Variants in SDK1 observed in about 807,000 individuals in gnomAD.
SDK1 encodes the protein protein sidekick-1.
Under a neutral mutation model 245.5 loss-of-function variants are expected in SDK1, and 157 were observed. The observed-to-expected ratio is 0.64, with a 90% CI of 0.56 to 0.73. The LOEUF is 0.73. Among genes scored for constraint, SDK1 ranks in the 30% least tolerant of loss-of-function variants. The pLI is 0.00. For missense variants in SDK1, 3,583 were observed against 3,002.3 expected (o/e 1.19, Z -4.52); for synonymous variants, 1,647 against 1,278.5 (o/e 1.29, Z -6.15).
chr7:3,517,399 C>T (rs901639069), intron 1 of SDK1, among the ~76,000 whole-genome samples: 28 of 152,066 alleles, frequency 1.8e-4, no homozygotes, highest in Admixed American at 6.6e-5. Context: ...TTTGTAAATT[C>T]TGTAGAGTAT....
intron 32 of SDK1, 40 bp downstream of exon 32, chr7:4,161,896 T>C: frequency 6.4e-7 from 1 of 1,560,780 alleles, no homozygotes; most frequent in Non-Finnish European, 8.8e-7. Flanking sequence ...GTCAAATGTG[T>C]TCTCATTTCC....
Position 3,388,346 on chromosome 7 carries a change from TA to T in SDK1, c.298+86472del, listed in dbSNP as rs146427636. ...TGTCAAACGCTATGTGATTGAAGAT[TA>T]AAAAAAAAATCTCATCTGTCAAACG... is the stretch of plus-strand genomic sequence containing the variant. On this transcript the variant is annotated intron_variant, in intron 1 of 44. Coordinates refer to ENST00000404826, the MANE Select transcript of SDK1 (RefSeq NM_152744.4). 5.8e-3 allele frequency among the ~76,000 whole-genome samples: 861 copies of T among 148,782 alleles called. 12 individuals are homozygous for T. The highest frequency in any genetic ancestry group is 0.017 in the African/African-American group (698 of 40,298).
At chr7:4,163,791 CA>C (rs1389189270) in intron 32 of SDK1, among the ~76,000 whole-genome samples, 1 of 152,154 alleles carries the variant, frequency 6.6e-6, no homozygotes, top group African/African-American at 2.4e-5. Flanking sequence ...TGGGGCCAGC[CA>C]GGGGGAGCTT....
chr7:3,915,527 C>T (rs901957455), intron 5 of SDK1, among the ~76,000 whole-genome samples: 4 of 152,212 alleles, frequency 2.6e-5, no homozygotes, highest in African/African-American at 7.2e-5. Context: ...GTGTTTCCCA[C>T]CTCCATGTAA....
intron 4 of SDK1, among the ~76,000 whole-genome samples, chr7:3,762,830 C>G (rs1041479437): frequency 2.6e-4 from 39 of 152,294 alleles, no homozygotes; most frequent in African/African-American, 9.1e-4. Context: ...CGTAGTATGA[C>G]AGTATGAATA....
chr7:3,641,931 C>G, intron 3 of SDK1, 27 bp from the exon 4 acceptor site: 1 of 1,600,052 alleles, frequency 6.2e-7, no homozygotes, highest in Non-Finnish European at 8.5e-7. Context: ...TTTTCTAGAA[C>G]TTGAAAGCAC....
chr7:4,232,402 C>CTTTT (rs1234788967), intron 40 of SDK1, among the ~76,000 whole-genome samples: 28 of 64,984 alleles, frequency 4.3e-4, no homozygotes, highest in South Asian at 1.6e-3. Flanking sequence ...CTTTTCTTTT[C>CTTTT]TTTTCTTTCT....
At chr7:3,485,192 A>G (rs530000751) in intron 1 of SDK1, among the ~76,000 whole-genome samples, 3 of 152,210 alleles carry the variant, frequency 2.0e-5, no homozygotes, top group South Asian at 4.1e-4. Flanking sequence ...GATAATAGCT[A>G]TCATATCTGG....
At chr7:4,257,488 A>G (rs1787706374) in intron 44 of SDK1, among the ~76,000 whole-genome samples, 1 of 152,230 alleles carries the variant, frequency 6.6e-6, no homozygotes, top group Admixed American at 6.5e-5. Context: ...AATAATAAAC[A>G]GAGCAGGCAG....
chr7:3,824,129 TG>T (rs1274979174), intron 5 of SDK1, among the ~76,000 whole-genome samples: 1 of 152,156 alleles, frequency 6.6e-6, no homozygotes, highest in Non-Finnish European at 1.5e-5. Flanking sequence ...ACCCTGCTCC[TG>T]GTGAGGGTGT....
At chr7:4,049,588 C>T in intron 18 of SDK1, 125 bp downstream of exon 18, 1 of 682,112 alleles carries the variant, frequency 1.5e-6, no homozygotes, top group Non-Finnish European at 2.6e-6. Context: ...GGCGTCTTGA[C>T]CTTGGTGAGA....
At chr7:4,123,483 G>T (rs934872570) in intron 25 of SDK1, among the ~76,000 whole-genome samples, 3 of 152,180 alleles carry the variant, frequency 2.0e-5, no homozygotes, top group Non-Finnish European at 4.4e-5. Context: ...TGCAGGCCCA[G>T]GGAGCAGGAG....
rs150140307 is a variant in SDK1 at position 3,527,968 on chromosome 7, G to A, written c.299-91112G>A. 2.0e-3 allele frequency among the ~76,000 whole-genome samples: 308 copies of A among 150,774 alleles called. 3 individuals are homozygous for A. The highest frequency in any genetic ancestry group is 7.2e-3 in the African/African-American group (296 of 40,906). On this transcript the variant is annotated intron_variant, in intron 1 of 44. Transcript: ENST00000404826. ...AAGTTGGATGATAGCTAGCGGGTGA[G>A]TGGTGGGAGGTGAGGCTGGGTGTCA...
intron 14 of SDK1, among the ~76,000 whole-genome samples, chr7:3,987,665 A>AC (rs994392899): frequency 4.6e-5 from 7 of 152,160 alleles, no homozygotes; most frequent in African/African-American, 1.7e-4. Flanking sequence ...TTGAGAGTTC[A>AC]CCGTCGCCGC....
intron 38 of SDK1, 113 bp from the exon 39 acceptor site, chr7:4,219,996 C>A: frequency 2.3e-6 from 3 of 1,280,360 alleles, no homozygotes; most frequent in Non-Finnish European, 3.2e-6. Flanking sequence ...GTAAGAAATA[C>A]TTCCTTAGCA....
chr7:3,848,672 T>G (rs772981942), intron 5 of SDK1, among the ~76,000 whole-genome samples: 34 of 151,718 alleles, frequency 2.2e-4, no homozygotes, highest in Non-Finnish European at 3.8e-4. Flanking sequence ...GAGTTGTCTT[T>G]TCTTTTTTTT....
At chr7:3,936,488 G>A (rs549622121) in intron 5 of SDK1, among the ~76,000 whole-genome samples, 123 of 152,110 alleles carry the variant, frequency 8.1e-4, no homozygotes, top group African/African-American at 2.6e-3. Context: ...GGGAGGCTGA[G>A]GCAGGAGAAA....
At chr7:3,537,730 G>C (rs999522612) in intron 1 of SDK1, among the ~76,000 whole-genome samples, 1 of 152,224 alleles carries the variant, frequency 6.6e-6, no homozygotes, top group South Asian at 2.1e-4. Flanking sequence ...CTTGACTCTT[G>C]ATGTGTCGGC....
chr7:3,658,033 G>A (rs910662200), intron 4 of SDK1, among the ~76,000 whole-genome samples: 5 of 152,174 alleles, frequency 3.3e-5, no homozygotes, highest in Non-Finnish European at 5.9e-5. Context: ...CTTGGGCCCC[G>A]TGATGCTTGG....
Sources: gnomAD v4.1 joint callset for allele counts (sites outside exome capture counted in the v4.1 genomes callset) on GRCh38, gnomAD v4.1.1 for gene constraint, MANE v1.5 for transcripts, NCBI Gene and HGNC (gene_info 2026-07-23, HGNC 2026-07-21) for gene names.